KCNH1: variants seen among roughly 807,000 people sequenced by gnomAD.
The protein encoded by KCNH1 is potassium voltage-gated channel subfamily H member 1.
In KCNH1, 27 loss-of-function variants were observed where a neutral mutation model predicts 69.2. That is an observed-to-expected ratio of 0.39 (90% CI 0.29 to 0.54). KCNH1 has a LOEUF of 0.54. Ranked by LOEUF, KCNH1 falls within the 20% of genes least tolerant of loss-of-function variation. The pLI is 0.68. For synonymous variants in KCNH1, 456 were observed against 487.7 expected, an observed-to-expected ratio of 0.93 and a Z score of 0.86; for missense variants, 798 against 1,261.6, an observed-to-expected ratio of 0.63 and a Z score of 5.57.
intron 7 of KCNH1, among the ~76,000 whole-genome samples, chr1:210,895,376 C>T (rs536398920): frequency 6.6e-6 from 1 of 152,178 alleles, no homozygotes; most frequent in Admixed American, 6.5e-5. Context: ...AAGATTAATT[C>T]TATATCATAG....
intron 5 of KCNH1, among the ~76,000 whole-genome samples, chr1:211,048,729 A>G (rs1015957243): frequency 2.6e-5 from 4 of 152,214 alleles, no homozygotes; most frequent in Non-Finnish European, 5.9e-5. Flanking sequence ...AAGACTGCAC[A>G]TTGGGCACAG....
chr1:211,117,896 C>A (rs1012447040), intron 1 of KCNH1, among the ~76,000 whole-genome samples: 3 of 152,152 alleles, frequency 2.0e-5, no homozygotes, highest in African/African-American at 7.2e-5. Context: ...GCCATGCATC[C>A]ATATGGAGTA....
At chr1:210,699,404 C>A (rs929406561) in intron 10 of KCNH1, among the ~76,000 whole-genome samples, 1 of 152,180 alleles carries the variant, frequency 6.6e-6, no homozygotes, top group Non-Finnish European at 1.5e-5. Context: ...CAGGGGAATA[C>A]CTTTGTAGCA....
chr1:211,109,805 CAG>C (rs1020410465), intron 1 of KCNH1, among the ~76,000 whole-genome samples: 8 of 149,274 alleles, frequency 5.4e-5, no homozygotes, highest in Non-Finnish European at 1.0e-4. Flanking sequence ...TTATAGGAAA[CAG>C]AGAAGAACTT....
chr1:210,956,753 G>A (rs1437077062), intron 6 of KCNH1, among the ~76,000 whole-genome samples: 4 of 151,852 alleles, frequency 2.6e-5, no homozygotes, highest in Admixed American at 6.6e-5. Flanking sequence ...TGGGATTGGT[G>A]GTGATATCCC....
At chr1:211,036,989 G>A (rs1392975400) in intron 5 of KCNH1, among the ~76,000 whole-genome samples, 3 of 152,130 alleles carry the variant, frequency 2.0e-5, no homozygotes, top group South Asian at 2.1e-4. Context: ...ATTATTTATG[G>A]GGTCAAACAA....
At chr1:210,839,665 G>A (rs1267609236) in intron 7 of KCNH1, among the ~76,000 whole-genome samples, 1 of 152,122 alleles carries the variant, frequency 6.6e-6, no homozygotes, top group Non-Finnish European at 1.5e-5. Context: ...TAGCCTTTTT[G>A]AGATTATACT....
chr1:210,873,453 TTCTC>T (rs1405920665), intron 7 of KCNH1, among the ~76,000 whole-genome samples: 1 of 152,186 alleles, frequency 6.6e-6, no homozygotes, highest in Non-Finnish European at 1.5e-5. Flanking sequence ...GCTCAAGTGA[TTCTC>T]TCTCCTCAGC....
At position 210,788,763 on chromosome 1, in the gene KCNH1, C is replaced by T. The variant is rs1349319250; in HGVS notation, c.1915+8745G>A. The stretch of plus-strand genomic sequence containing the variant: ...CCAGGCTGGAGTGCAGTGGCGGGAT[C>T]TCGGCTCACTGCAAGCTCCGCCTCC... On this transcript the variant is annotated intron_variant, in intron 9 of 10. Coordinates refer to ENST00000271751, the MANE Select transcript of KCNH1 (RefSeq NM_172362.3). Among the ~76,000 whole-genome samples the T allele has an allele frequency of 2.4e-5, 3 of 122,666 alleles. No individual in the cohort carries two copies. The Admixed American group carries it at 3.0e-4, about 12-fold the overall frequency. 80.5% of individuals were successfully genotyped at this position (122,666 alleles called of 152,430 possible).
chr1:210,684,859 T>C (rs1681373918), intron 10 of KCNH1, among the ~76,000 whole-genome samples: 1 of 152,224 alleles, frequency 6.6e-6, no homozygotes, highest in African/African-American at 2.4e-5. Context: ...TTAATGCTAC[T>C]TCATGTATTC....
intron 7 of KCNH1, among the ~76,000 whole-genome samples, chr1:210,863,329 T>C (rs1382206536): frequency 6.6e-6 from 1 of 152,182 alleles, no homozygotes; most frequent in East Asian, 1.9e-4. Flanking sequence ...AGGCTCTTCA[T>C]TTTACAAAAG....
chr1:211,049,473 G>A (rs1278544763), intron 5 of KCNH1, among the ~76,000 whole-genome samples: 2 of 152,158 alleles, frequency 1.3e-5, no homozygotes, highest in Admixed American at 1.3e-4. Context: ...TGAAACATAG[G>A]GGGTTTTTTG....
intron 6 of KCNH1, among the ~76,000 whole-genome samples, chr1:210,986,607 C>G (rs548980217): frequency 1.3e-5 from 2 of 152,086 alleles, no homozygotes; most frequent in Non-Finnish European, 2.9e-5. Context: ...TGTTGAATAT[C>G]AGCCCCCACT....
At chr1:210,988,593 A>C (rs1168377940) in intron 6 of KCNH1, among the ~76,000 whole-genome samples, 1 of 152,258 alleles carries the variant, frequency 6.6e-6, no homozygotes, top group Non-Finnish European at 1.5e-5. Context: ...ATAAATACTT[A>C]GAAGCAACAT....
chr1:210,925,144 GT>G (rs1293776254), intron 6 of KCNH1, among the ~76,000 whole-genome samples: 28 of 152,300 alleles, frequency 1.8e-4, no homozygotes, highest in African/African-American at 6.3e-4. Flanking sequence ...TAATTCTCCA[GT>G]AACAGACCCA....
At chr1:210,695,176 TGA>T (rs1681612006) in intron 10 of KCNH1, among the ~76,000 whole-genome samples, 1 of 152,216 alleles carries the variant, frequency 6.6e-6, no homozygotes, top group Non-Finnish European at 1.5e-5. Flanking sequence ...ACTCTCCTAA[TGA>T]GAGGGGGCAA....
chr1:210,966,128 T>C (rs1382546248), intron 6 of KCNH1, among the ~76,000 whole-genome samples: 1 of 152,090 alleles, frequency 6.6e-6, no homozygotes, highest in Non-Finnish European at 1.5e-5. Context: ...AAACAAGAAA[T>C]GGGGAAAAGG....
chr1:211,031,695 T>C (rs1689788523), intron 5 of KCNH1, among the ~76,000 whole-genome samples: 1 of 152,158 alleles, frequency 6.6e-6, no homozygotes, highest in African/African-American at 2.4e-5. Flanking sequence ...AAAAGGCCTT[T>C]AACAAAATTC....
chr1:211,054,657 T>G (rs73073488), intron 5 of KCNH1, among the ~76,000 whole-genome samples: 7,283 of 152,278 alleles, frequency 0.048, 546 homozygotes, highest in African/African-American at 0.17. Flanking sequence ...TAAAATACTC[T>G]AAATACTGAG....
Sources: allele counts gnomAD v4.1 joint callset (sites outside exome capture counted in the v4.1 genomes callset), GRCh38; gene constraint gnomAD v4.1.1; transcripts MANE v1.5; gene names NCBI Gene and HGNC (gene_info 2026-07-23, HGNC 2026-07-21).